Variants in TMEM163 observed in about 807,000 individuals in gnomAD.
The protein encoded by TMEM163 is transmembrane protein 163.
In TMEM163, 17 loss-of-function variants were observed where a neutral mutation model predicts 29.3. That is an observed-to-expected ratio of 0.58 (90% CI 0.40 to 0.87). The LOEUF is 0.87. Ranked by LOEUF, TMEM163 falls within the 40% of genes least tolerant of loss-of-function variation. The probability of loss-of-function intolerance (pLI) is 0.00; values close to 1 mark genes in which losing one functional copy is unlikely to be tolerated. For missense variants in TMEM163, 303 were observed against 381.5 expected (o/e 0.79, Z 1.71); for synonymous variants, 157 against 160.6 (o/e 0.98, Z 0.17).
intron 2 of TMEM163, among the ~76,000 whole-genome samples, chr2:134,699,036 C>CT: frequency 6.6e-6 from 1 of 152,170 alleles, no homozygotes; most frequent in African/African-American, 2.4e-5. Flanking sequence ...GTGACCAGCA[C>CT]TTTTTTTAAA....
At chr2:134,708,876 C>T (rs1292084086) in intron 2 of TMEM163, among the ~76,000 whole-genome samples, 1 of 152,208 alleles carries the variant, frequency 6.6e-6, no homozygotes, top group East Asian at 1.9e-4. Context: ...CATGAGCCAT[C>T]GCTCCCAGCC....
chr2:134,521,037 C>T (rs1036814395), intron 4 of TMEM163, among the ~76,000 whole-genome samples: 2 of 150,584 alleles, frequency 1.3e-5, no homozygotes, highest in African/African-American at 4.9e-5. Flanking sequence ...CTCCTTCTGT[C>T]ACCCAGGCTG....
intron 2 of TMEM163, among the ~76,000 whole-genome samples, chr2:134,650,317 AT>A (rs1319328363): frequency 1.3e-5 from 2 of 152,224 alleles, no homozygotes; most frequent in African/African-American, 4.8e-5. Flanking sequence ...ACTTAAAAAA[AT>A]CAATTGTATC....
intron 2 of TMEM163, among the ~76,000 whole-genome samples, chr2:134,571,332 T>C (rs1261604341): frequency 6.6e-6 from 1 of 152,222 alleles, no homozygotes; most frequent in Non-Finnish European, 1.5e-5. Context: ...GTTTATCTAA[T>C]GGCCAACAAG....
chr2:134,537,606 A>G (rs1680569233), intron 4 of TMEM163, among the ~76,000 whole-genome samples: 1 of 152,366 alleles, frequency 6.6e-6, no homozygotes, highest in East Asian at 1.9e-4. Context: ...ATAAACACCC[A>G]GTTCATAATA....
chr2:134,659,347 G>C (rs940964292), intron 2 of TMEM163, among the ~76,000 whole-genome samples: 19 of 152,194 alleles, frequency 1.2e-4, no homozygotes, highest in Non-Finnish European at 2.6e-4. Flanking sequence ...GGAAAACAGG[G>C]TTTAAAGTCT....
chr2:134,648,643 C>G (rs1478966420), intron 2 of TMEM163, among the ~76,000 whole-genome samples: 4 of 152,144 alleles, frequency 2.6e-5, no homozygotes, highest in Non-Finnish European at 5.9e-5. Flanking sequence ...ATTTACTTTT[C>G]TATTTGAATT....
chr2:134,541,786 ACACACACACACACACATACACACACACG>A (rs1680676083), intron 4 of TMEM163, among the ~76,000 whole-genome samples: 1 of 151,738 alleles, frequency 6.6e-6, no homozygotes, highest in African/African-American at 2.4e-5. Context: ...ACACACACAC[ACACACACACACACACATACACACACACG>A]GAGCATACAT....
chr2:134,567,283 A>G (rs1681317342), intron 2 of TMEM163, among the ~76,000 whole-genome samples: 1 of 152,216 alleles, frequency 6.6e-6, no homozygotes, highest in Non-Finnish European at 1.5e-5. Flanking sequence ...GATTTGGCCA[A>G]AAAGAGCTCG....
intron 4 of TMEM163, among the ~76,000 whole-genome samples, chr2:134,539,345 T>C (rs1381065829): frequency 6.6e-6 from 1 of 152,198 alleles, no homozygotes; most frequent in Non-Finnish European, 1.5e-5. Flanking sequence ...TGCAATTTCA[T>C]GGACACCCGA....
rs1029474950 is a variant in TMEM163 at position 134,635,077 on chromosome 2, G to C, written c.322+78123C>G. ...GGAGAAGGGGACAGGAGGAAAGACA[G>C]TGAGATTGGCTTAAAAATATGAAAA... On this transcript the variant is annotated intron_variant, in intron 2 of 7. Transcript: ENST00000281924. Among the ~76,000 whole-genome samples, 4 of 152,226 alleles carry C rather than the reference G, an allele frequency of 2.6e-5. No homozygotes were observed. In the East Asian group the frequency reaches 5.8e-4, roughly 22 times the overall value.
At chr2:134,696,446 G>A (rs565953509) in intron 2 of TMEM163, among the ~76,000 whole-genome samples, 1 of 152,186 alleles carries the variant, frequency 6.6e-6, no homozygotes, top group African/African-American at 2.4e-5. Flanking sequence ...AAAGCCTATT[G>A]GAATTCTTAG....
At chr2:134,672,204 A>G (rs1242521642) in intron 2 of TMEM163, among the ~76,000 whole-genome samples, 1 of 152,264 alleles carries the variant, frequency 6.6e-6, no homozygotes, top group African/African-American at 2.4e-5. Context: ...GAAGAAGAAC[A>G]GAGTGGAGAC....
chr2:134,699,434 G>A (rs1684649068), intron 2 of TMEM163, among the ~76,000 whole-genome samples: 1 of 151,948 alleles, frequency 6.6e-6, no homozygotes, highest in South Asian at 2.1e-4. Context: ...AACCCAAGAG[G>A]CAGAGGTTGC....
intron 5 of TMEM163, among the ~76,000 whole-genome samples, chr2:134,501,977 A>C (rs1392547572): frequency 6.6e-6 from 1 of 152,162 alleles, no homozygotes; most frequent in Non-Finnish European, 1.5e-5. Context: ...TAAAGCAGCC[A>C]CTTTCATGCC....
intron 2 of TMEM163, among the ~76,000 whole-genome samples, chr2:134,682,919 G>A (rs909347160): frequency 6.6e-6 from 1 of 152,184 alleles, no homozygotes; most frequent in Non-Finnish European, 1.5e-5. Flanking sequence ...TCCAGGCAAT[G>A]GAATGTTACT....
At chr2:134,675,576 G>C (rs1197703769) in intron 2 of TMEM163, among the ~76,000 whole-genome samples, 1 of 152,056 alleles carries the variant, frequency 6.6e-6, no homozygotes, top group East Asian at 1.9e-4. Context: ...GAATAATTCA[G>C]ATATTCCCTG....
At chr2:134,601,919 A>G (rs1050378621) in intron 2 of TMEM163, among the ~76,000 whole-genome samples, 4 of 152,216 alleles carry the variant, frequency 2.6e-5, no homozygotes, top group Non-Finnish European at 2.9e-5. Context: ...TAGCAAAGAC[A>G]TGAAGGCAAT....
intron 5 of TMEM163, among the ~76,000 whole-genome samples, chr2:134,478,978 T>G (rs1389194514): frequency 6.6e-6 from 1 of 152,196 alleles, no homozygotes; most frequent in Non-Finnish European, 1.5e-5. Flanking sequence ...TTCTGGGGAT[T>G]AGTGCCCTTC....
Sources: gnomAD v4.1 joint callset for allele counts (sites outside exome capture counted in the v4.1 genomes callset) on GRCh38, gnomAD v4.1.1 for gene constraint, MANE v1.5 for transcripts, NCBI Gene and HGNC (gene_info 2026-07-23, HGNC 2026-07-21) for gene names.